ZNF354B: variants seen among roughly 807,000 people sequenced by gnomAD.
ZNF354B encodes zinc finger protein 354B.
A neutral mutation model predicts 12.9 loss-of-function variants in ZNF354B; 10 were observed. The observed-to-expected ratio is 0.77, with a 90% CI of 0.48 to 1.31. The LOEUF (loss-of-function observed/expected upper bound fraction) is 1.31. Among genes scored for constraint, ZNF354B ranks in the 40% most tolerant of loss-of-function variants. The pLI is 0.00. For synonymous variants in ZNF354B, 260 were observed against 243.7 expected, an observed-to-expected ratio of 1.07 and a Z score of -0.62; for missense variants, 614 against 711.7, an observed-to-expected ratio of 0.86 and a Z score of 1.56.
intron 2 of ZNF354B, among the ~76,000 whole-genome samples, chr5:178,865,469 A>G (rs537126125): frequency 6.6e-6 from 1 of 152,134 alleles, no homozygotes; most frequent in East Asian, 1.9e-4. Context: ...GGGTTTCACC[A>G]TGTTGGCCAG....
In ZNF354B at chr5:178,882,957, C is replaced by G. The variant is rs1757742342; in HGVS notation, c.505C>G (p.Leu169Val). ...KNVEFGQNFY[L>V]KSVFIKQQRF... ...TGTTGAATTTGGCCAAAACTTCTAC[C>G]TGAAATCAGTCTTCATTAAGCAACA... The change falls in exon 5 of 5, where the codon CTG becomes GTG. Residue 169 changes from leucine to valine, a missense_variant. Leu to Val is a conservative substitution (Grantham distance 32, BLOSUM62 1). Coordinates refer to ENST00000322434, the MANE Select transcript of ZNF354B (RefSeq NM_058230.3). 2 of 1,604,888 alleles carry G rather than the reference C, an allele frequency of 1.2e-6. No homozygotes were observed. The highest frequency in any genetic ancestry group is 2.7e-5 in the African/African-American group (2 of 74,246).
chr5:178,871,234 C>G (rs1222872351), intron 4 of ZNF354B, among the ~76,000 whole-genome samples: 2 of 152,226 alleles, frequency 1.3e-5, no homozygotes, highest in Admixed American at 6.5e-5. Context: ...TCCTTCCACT[C>G]TGCCCTTCAT....
chr5:178,861,648 T>C (rs1757350208), intron 2 of ZNF354B, among the ~76,000 whole-genome samples: 1 of 134,926 alleles, frequency 7.4e-6, no homozygotes, highest in African/African-American at 2.6e-5. Flanking sequence ...GTTGGAGAGG[T>C]CGCTTGACTC....
At chr5:178,868,384 G>A (rs1287856809) in intron 4 of ZNF354B, among the ~76,000 whole-genome samples, 1 of 149,558 alleles carries the variant, frequency 6.7e-6, no homozygotes, top group Non-Finnish European at 1.5e-5. Context: ...ACTGAGAGTG[G>A]TTGAACTGGG....
chr5:178,864,707 C>G (rs1757418900), intron 2 of ZNF354B, among the ~76,000 whole-genome samples: 1 of 151,440 alleles, frequency 6.6e-6, no homozygotes, highest in Non-Finnish European at 1.5e-5. Context: ...ACTGCAAGTT[C>G]CGCCTCCTGG....
At chr5:178,870,149 A>G (rs1304321371) in intron 4 of ZNF354B, among the ~76,000 whole-genome samples, 3 of 152,140 alleles carry the variant, frequency 2.0e-5, no homozygotes, top group Non-Finnish European at 4.4e-5. Context: ...CTGTGTTTAT[A>G]TAACTTTAAA....
intron 1 of ZNF354B, 77 bp from the exon 2 acceptor site, chr5:178,860,920 G>C (rs893248675): frequency 1.9e-6 from 1 of 536,468 alleles, no homozygotes; most frequent in Non-Finnish European, 3.3e-6. Context: ...TTCTCAGCGG[G>C]AGTCGGGGTT....
rs754497085 is a variant in ZNF354B at position 178,883,495 on chromosome 5, A to G, written c.1043A>G (p.His348Arg). The G allele has an allele frequency of 6.2e-7, 1 of 1,614,160 alleles. No individual in the cohort carries two copies. Among genetic ancestry groups the G allele is most frequent in the Non-Finnish European group, 8.5e-7 (1 of 1,180,004 alleles). Residue 348 changes from histidine to arginine, a missense_variant, in exon 5 of 5, where the codon CAT becomes CGT. Transcript: ENST00000322434. ...STSLSGSQKIHLRKKSYLCNE... is the reference protein window; with the variant it reads ...STSLSGSQKIRLRKKSYLCNE... Reference sequence around the variant, plus strand: ...TCCCTTTCTGGAAGTCAGAAAATTCATCTCAGAAAGAAGTCCTACTTATGT... The same window carrying G: ...TCCCTTTCTGGAAGTCAGAAAATTCGTCTCAGAAAGAAGTCCTACTTATGT...
Position 178,884,484 on chromosome 5 carries a change from GCAGA to G in ZNF354B, c.*196_*199del, listed in dbSNP as rs1352065406. Reference sequence around the variant, plus strand: ...AAATATCCCGAGACAGTTCACTGTTGCAGACATTGAAATTGGCCATTTGTAAGAT... The same window carrying G: ...AAATATCCCGAGACAGTTCACTGTTGCATTGAAATTGGCCATTTGTAAGAT... On this transcript the variant is annotated 3_prime_UTR_variant, in exon 5 of 5. Coordinates refer to ENST00000322434, the MANE Select transcript of ZNF354B (RefSeq NM_058230.3). The G allele has an allele frequency of 1.5e-5, 8 of 535,736 alleles. No individual in the cohort carries two copies. The African/African-American group carries it at 1.6e-4, about 10-fold the overall frequency. The allele number at this position is 535,736 out of a possible 1,614,324, so 33.2% of individuals were successfully genotyped here. A position where few individuals can be genotyped will look rare whatever the true frequency, so the allele number is the denominator to read the frequency against.
chr5:178,875,802 C>A (rs937782922), intron 4 of ZNF354B, among the ~76,000 whole-genome samples: 2 of 152,114 alleles, frequency 1.3e-5, no homozygotes, highest in African/African-American at 4.8e-5. Context: ...TTCACTGTTT[C>A]TTCCCCAGAC....
At chr5:178,871,428 T>C (rs1456593419) in intron 4 of ZNF354B, among the ~76,000 whole-genome samples, 1 of 152,222 alleles carries the variant, frequency 6.6e-6, no homozygotes, top group Non-Finnish European at 1.5e-5. Context: ...ACAGATCATC[T>C]GACACGCAGC....
At position 178,883,176 on chromosome 5, in the gene ZNF354B, T is replaced by G; in HGVS notation, c.724T>G (p.Phe242Val). ...HQKNHTGEKL[F>V]KCKECLKAFS... ...GAAAAACCACACTGGAGAAAAATTA[T>G]TTAAATGTAAAGAATGTTTAAAAGC... The change falls in exon 5 of 5, where the codon TTT becomes GTT. Residue 242 changes from phenylalanine to valine, a missense_variant. Physicochemically the swap from Phe to Val is conservative, Grantham distance 50. Transcript: ENST00000322434. The G allele has an allele frequency of 6.2e-7, 1 of 1,613,622 alleles. No individual in the cohort carries two copies. The highest frequency in any genetic ancestry group is 1.3e-5 in the African/African-American group (1 of 75,034).
chr5:178,883,521 A>G lies in ZNF354B; in HGVS notation c.1069A>G (p.Asn357Asp). ...IHLRKKSYLC[N>D]ECGNTFKSSS... is the part of the protein sequence containing the mutation. ...TCTCAGAAAGAAGTCCTACTTATGT[A>G]ATGAATGTGGCAACACCTTTAAGTC... The change falls in exon 5 of 5, where the codon AAT (asparagine) becomes GAT (aspartate). Residue 357 changes from asparagine to aspartate, a missense_variant. Coordinates refer to ENST00000322434, the MANE Select transcript of ZNF354B (RefSeq NM_058230.3). 1 of 1,614,176 alleles carries G rather than the reference A, an allele frequency of 6.2e-7. No homozygotes were observed. Among genetic ancestry groups the G allele is most frequent in the Non-Finnish European group, 8.5e-7 (1 of 1,180,002 alleles).
intron 4 of ZNF354B, among the ~76,000 whole-genome samples, chr5:178,875,458 G>C (rs1455299799): frequency 6.6e-6 from 1 of 152,164 alleles, no homozygotes; most frequent in Non-Finnish European, 1.5e-5. Context: ...TCACCAGCGA[G>C]ACAGACTGAC....
intron 4 of ZNF354B, among the ~76,000 whole-genome samples, chr5:178,871,066 T>G (rs1757555677): frequency 6.6e-6 from 1 of 152,208 alleles, no homozygotes. Flanking sequence ...CTTCTCTTCA[T>G]AACTTCCAGA....
chr5:178,882,477 A>G (rs1486948546), intron 4 of ZNF354B, among the ~76,000 whole-genome samples: 3 of 152,104 alleles, frequency 2.0e-5, no homozygotes, highest in Non-Finnish European at 4.4e-5. Context: ...CTTCTGCTCC[A>G]TTCTCTTGGT....
rs995337561 is a variant in ZNF354B at position 178,864,913 on chromosome 5, A to G, written c.34-1331A>G. 2.7e-5 allele frequency among the ~76,000 whole-genome samples: 4 copies of G among 150,668 alleles called. No homozygotes were observed. The East Asian group carries it at 7.8e-4, about 29-fold the overall frequency. On this transcript the variant is annotated intron_variant, in intron 2 of 4. Coordinates refer to ENST00000322434, the MANE Select transcript of ZNF354B (RefSeq NM_058230.3). The stretch of plus-strand genomic sequence containing the variant: ...GCTAGGATTACAGGTGTGAGCCACC[A>G]CACCTGGCCAGAAACATTTTTTTGA...
intron 4 of ZNF354B, among the ~76,000 whole-genome samples, chr5:178,882,474 T>C (rs1757730800): frequency 6.6e-6 from 1 of 152,208 alleles, no homozygotes; most frequent in South Asian, 2.1e-4. Context: ...ATCCTTCTGC[T>C]CCATTCTCTT....
intron 2 of ZNF354B, among the ~76,000 whole-genome samples, chr5:178,865,227 A>C (rs990249814): frequency 6.6e-6 from 1 of 152,098 alleles, no homozygotes; most frequent in Non-Finnish European, 1.5e-5. Context: ...CCTGGATTGG[A>C]ATCCCCGCTC....
Sources: gnomAD v4.1 joint callset for allele counts (sites outside exome capture counted in the v4.1 genomes callset) on GRCh38, gnomAD v4.1.1 for gene constraint, MANE v1.5 for transcripts, NCBI Gene and HGNC (gene_info 2026-07-23, HGNC 2026-07-21) for gene names.